Variants in NOX4 observed in about 807,000 individuals in gnomAD.
The protein encoded by NOX4 is kidney oxidase-1.
In NOX4, 69 loss-of-function variants were observed where a neutral mutation model predicts 87.6. The observed-to-expected ratio is 0.79, with a 90% CI of 0.65 to 0.96. NOX4 has a LOEUF of 0.96. Among genes scored for constraint, NOX4 ranks in the 40% least tolerant of loss-of-function variants. The pLI is 0.00. For synonymous variants in NOX4, 275 were observed against 238.2 expected (o/e 1.15, Z -1.42); for missense variants, 680 against 681.5 (o/e 1.00, Z 0.02).
intron 11 of NOX4, among the ~76,000 whole-genome samples, chr11:89,397,870 C>G (rs1238722569): frequency 6.6e-6 from 1 of 151,974 alleles, no homozygotes; most frequent in Non-Finnish European, 1.5e-5. Flanking sequence ...GATTCACAGC[C>G]AAATTCTACC....
chr11:89,568,995 A>G, the NOX4 span, among the ~76,000 whole-genome samples: 1 of 152,210 alleles, frequency 6.6e-6, no homozygotes, highest in South Asian at 2.1e-4. Context: ...CCTTCTCTTT[A>G]CTATAAACAA....
chr11:89,513,775 G>A, the NOX4 span, among the ~76,000 whole-genome samples: 1 of 152,094 alleles, frequency 6.6e-6, no homozygotes, highest in East Asian at 1.9e-4. Flanking sequence ...AGTTTGAGAT[G>A]GATGAGTAAT....
At chr11:89,347,960 C>G (rs1327085182) in intron 13 of NOX4, among the ~76,000 whole-genome samples, 1 of 152,134 alleles carries the variant, frequency 6.6e-6, no homozygotes, top group Non-Finnish European at 1.5e-5. Flanking sequence ...ATTGTCTTTA[C>G]AACAAAGTCC....
At chr11:89,579,341 A>G in the NOX4 span, among the ~76,000 whole-genome samples, 1 of 152,166 alleles carries the variant, frequency 6.6e-6, no homozygotes, top group African/African-American at 2.4e-5. Flanking sequence ...ATGTTCATCA[A>G]TTGTAGTGAA....
chr11:89,514,986 C>T, the NOX4 span, among the ~76,000 whole-genome samples: 5 of 151,966 alleles, frequency 3.3e-5, no homozygotes, highest in African/African-American at 9.7e-5. Context: ...ATGAAAATGA[C>T]ATGACATCTG....
At chr11:89,391,921 TCCCTTCCCCTTC>T (rs569323281) in intron 11 of NOX4, among the ~76,000 whole-genome samples, 102 of 149,876 alleles carry the variant, frequency 6.8e-4, no homozygotes, top group South Asian at 2.3e-3. Context: ...TTTTTCCTTT[TCCCTTCCCCTTC>T]CCCTTCCCCT....
the NOX4 span, among the ~76,000 whole-genome samples, chr11:89,568,151 C>A: frequency 2.6e-5 from 4 of 152,052 alleles, no homozygotes; most frequent in Non-Finnish European, 5.9e-5. Context: ...CCTGGCCCCC[C>A]GTGAAATCAT....
intron 9 of NOX4, among the ~76,000 whole-genome samples, chr11:89,400,873 T>C (rs955104712): frequency 6.6e-6 from 1 of 151,352 alleles, no homozygotes; most frequent in Non-Finnish European, 1.5e-5. Flanking sequence ...GTTAAATATG[T>C]ATAGCACATA....
At chr11:89,485,574 G>A (rs935666733) in intron 2 of NOX4, among the ~76,000 whole-genome samples, 1 of 152,024 alleles carries the variant, frequency 6.6e-6, no homozygotes, top group African/African-American at 2.4e-5. Context: ...GGTGTTTTGA[G>A]TTAAACTGCT....
chr11:89,442,736 CT>C (rs1286396671), intron 5 of NOX4, among the ~76,000 whole-genome samples: 1 of 151,948 alleles, frequency 6.6e-6, no homozygotes, highest in Non-Finnish European at 1.5e-5. Flanking sequence ...GCATGTATAA[CT>C]TTTCAAAGAA....
chr11:89,516,991 C>T, the NOX4 span, among the ~76,000 whole-genome samples: 1 of 113,794 alleles, frequency 8.8e-6, no homozygotes, highest in African/African-American at 3.9e-5. Flanking sequence ...TCCTCCTCCT[C>T]CTCCTGCTCT....
rs1306083910 is a variant in NOX4, at chr11:89,451,796, C to T, written c.253G>A (p.Gly85Arg). 1.2e-6 allele frequency: 2 copies of T among 1,609,358 alleles called. No homozygotes were observed. Among genetic ancestry groups the T allele is most frequent in the Admixed American group, 1.7e-5 (1 of 59,904 alleles). The stretch of plus-strand genomic sequence containing the variant: ...CTGTTTTTTCTTACCTTCTGTGATC[C>T]TCGGAGGTAAGCCAAGAGTGTTCGG... ...MCRTLLAYLRGSQKVPSRRTR... is the reference protein window; with the variant it reads ...MCRTLLAYLRRSQKVPSRRTR... Residue 85 changes from glycine to arginine, a missense_variant, in exon 3 of 18, where the codon GGA (glycine) becomes AGA (arginine). Coordinates refer to ENST00000263317, the MANE Select transcript of NOX4 (RefSeq NM_016931.5).
At chr11:89,438,958 AT>A (rs1194224659) in intron 6 of NOX4, among the ~76,000 whole-genome samples, 1 of 83,768 alleles carries the variant, frequency 1.2e-5, no homozygotes, top group East Asian at 3.4e-4. Context: ...TTTATATATA[AT>A]AATATATAAT....
intron 11 of NOX4, among the ~76,000 whole-genome samples, chr11:89,395,033 G>A (rs1941379767): frequency 6.6e-6 from 1 of 152,156 alleles, no homozygotes; most frequent in African/African-American, 2.4e-5. Flanking sequence ...TGGGATCACA[G>A]GGTCAAATGG....
upstream of NOX4, among the ~76,000 whole-genome samples, chr11:89,494,973 C>T (rs548660440): frequency 6.6e-6 from 1 of 152,290 alleles, no homozygotes; most frequent in Non-Finnish European, 1.5e-5. Context: ...GACAGGATCT[C>T]GCTGTGTCAC....
intron 2 of NOX4, among the ~76,000 whole-genome samples, chr11:89,488,268 A>AT (rs555183912): frequency 1.7e-3 from 258 of 151,274 alleles, no homozygotes; most frequent in South Asian, 3.3e-3. Context: ...TCCTTTTATC[A>AT]TTTTTTTTCT....
At chr11:89,489,107 AGATTAT>A (rs1342401818) in intron 2 of NOX4, 1 of 640,440 alleles carries the variant, frequency 1.6e-6, no homozygotes. Flanking sequence ...TGTGATCAAC[AGATTAT>A]GATATTACTT....
At chr11:89,510,558 T>C in the NOX4 span, among the ~76,000 whole-genome samples, 2 of 152,078 alleles carry the variant, frequency 1.3e-5, no homozygotes, top group African/African-American at 2.4e-5. Context: ...TTTTAATTAC[T>C]AACAAATTAT....
the NOX4 span, among the ~76,000 whole-genome samples, chr11:89,527,143 G>C: frequency 6.6e-6 from 1 of 152,186 alleles, no homozygotes; most frequent in African/African-American, 2.4e-5. Context: ...GTGGAACTTA[G>C]AACTTGAGAG....
Sources: gnomAD v4.1 joint callset for allele counts (sites outside exome capture counted in the v4.1 genomes callset) on GRCh38, gnomAD v4.1.1 for gene constraint, MANE v1.5 for transcripts, NCBI Gene and HGNC (gene_info 2026-07-23, HGNC 2026-07-21) for gene names.